Variants in OTUD7A observed in about 807,000 individuals in gnomAD.
OTUD7A encodes the protein OTU deubiquitinase 7A, also known as OTU domain-containing protein 7A.
OTUD7A carries 12 observed loss-of-function variants against 65.7 expected under a neutral mutation model. The observed-to-expected ratio is 0.18, with a 90% CI of 0.12 to 0.30. The LOEUF (loss-of-function observed/expected upper bound fraction) is 0.30. OTUD7A is among the 10% of genes least tolerant of loss of function. The probability of loss-of-function intolerance (pLI) is 1.00; values close to 1 mark genes in which losing one functional copy is unlikely to be tolerated. For missense variants in OTUD7A, 1,148 were observed against 1,304.8 expected, an observed-to-expected ratio of 0.88 and a Z score of 1.85; for synonymous variants, 641 against 586.3, an observed-to-expected ratio of 1.09 and a Z score of -1.35.
intron 3 of OTUD7A, among the ~76,000 whole-genome samples, chr15:31,616,039 G>T (rs1890575398): frequency 1.3e-5 from 2 of 152,244 alleles, no homozygotes; most frequent in Admixed American, 6.5e-5. Flanking sequence ...ACCCCCTCAG[G>T]ATGGTAGACA....
chr15:31,561,825 G>A lies in OTUD7A; in HGVS notation c.332-2638C>T, dbSNP rs547899755. 3.4e-5 allele frequency among the ~76,000 whole-genome samples: 5 copies of A among 148,746 alleles called. No homozygotes were observed. The South Asian group carries it at 8.5e-4, about 25-fold the overall frequency. On this transcript the variant is annotated intron_variant, in intron 4 of 12. Coordinates refer to ENST00000307050, the MANE Select transcript of OTUD7A (RefSeq NM_001382637.1). ...ACATTCACACACTGATTCTTTAAAC[G>A]TGAACTCAGTGATTCTACTTTTGGA...
At chr15:31,685,111 C>T (rs1186234530) in intron 1 of OTUD7A, among the ~76,000 whole-genome samples, 1 of 152,190 alleles carries the variant, frequency 6.6e-6, no homozygotes, top group Admixed American at 6.5e-5. Context: ...GCAAATAAGT[C>T]TGATTGATCC....
At chr15:31,633,687 T>G (rs1891248162) in intron 3 of OTUD7A, among the ~76,000 whole-genome samples, 1 of 152,100 alleles carries the variant, frequency 6.6e-6, no homozygotes. Flanking sequence ...CACCCTTCAC[T>G]CACAGCATGG....
chr15:31,786,021 T>G (rs1895663374), intron 1 of OTUD7A, among the ~76,000 whole-genome samples: 1 of 151,810 alleles, frequency 6.6e-6, no homozygotes, highest in Non-Finnish European at 1.5e-5. Flanking sequence ...GATTAATGGG[T>G]TATCATGGGA....
intron 3 of OTUD7A, among the ~76,000 whole-genome samples, chr15:31,628,959 T>C (rs200134785): frequency 5.8e-4 from 87 of 149,938 alleles, no homozygotes; most frequent in South Asian, 6.3e-4. Flanking sequence ...TGAGACTTTG[T>C]TGAAGTTGCT....
chr15:31,686,647 A>G (rs578170613), intron 1 of OTUD7A, among the ~76,000 whole-genome samples: 2 of 152,336 alleles, frequency 1.3e-5, no homozygotes, highest in South Asian at 2.1e-4. Flanking sequence ...GAGATGTGGA[A>G]AGGCTTCAGG....
chr15:31,859,821 G>C (rs929289584), intron 1 of OTUD7A, among the ~76,000 whole-genome samples: 1 of 152,182 alleles, frequency 6.6e-6, no homozygotes, highest in Non-Finnish European at 1.5e-5. Flanking sequence ...ATAGGAAGTG[G>C]AGGACCTCTG....
chr15:31,842,742 G>A (rs890100307), intron 1 of OTUD7A, among the ~76,000 whole-genome samples: 3 of 152,180 alleles, frequency 2.0e-5, no homozygotes, highest in South Asian at 2.1e-4. Flanking sequence ...CTGGGAAAGT[G>A]CCTGTAAATC....
chr15:31,586,960 C>T (rs183870532), intron 3 of OTUD7A, among the ~76,000 whole-genome samples: 1 of 152,212 alleles, frequency 6.6e-6, no homozygotes, highest in East Asian at 2.0e-4. Context: ...CAGGGCTGCT[C>T]GCTGTGAGTG....
chr15:31,654,956 A>G, intron 3 of OTUD7A, 140 bp downstream of exon 3: 1 of 957,914 alleles, frequency 1.0e-6, no homozygotes. Context: ...TAAAATTTTG[A>G]CTTAATATCG....
At chr15:31,631,248 A>G (rs564207939) in intron 3 of OTUD7A, among the ~76,000 whole-genome samples, 15 of 152,280 alleles carry the variant, frequency 9.9e-5, no homozygotes, top group African/African-American at 3.1e-4. Flanking sequence ...TTCCATGTTA[A>G]GTTCTTCCTT....
intron 1 of OTUD7A, among the ~76,000 whole-genome samples, chr15:31,670,859 G>C (rs1028610041): frequency 6.6e-6 from 1 of 152,144 alleles, no homozygotes; most frequent in Non-Finnish European, 1.5e-5. Flanking sequence ...GCCGGGCGTG[G>C]TGGCGGGCGC....
chr15:31,593,398 A>G (rs1889809555), intron 3 of OTUD7A, among the ~76,000 whole-genome samples: 1 of 152,124 alleles, frequency 6.6e-6, no homozygotes, highest in South Asian at 2.1e-4. Context: ...TCGGGGCTTT[A>G]TAGACACAAG....
chr15:31,800,549 G>A (rs930077616), intron 1 of OTUD7A, among the ~76,000 whole-genome samples: 2 of 152,130 alleles, frequency 1.3e-5, no homozygotes, highest in African/African-American at 4.8e-5. Flanking sequence ...CCTACCCAAT[G>A]GCCTCTGTGG....
intron 10 of OTUD7A, among the ~76,000 whole-genome samples, chr15:31,493,149 G>GA (rs34577664): frequency 0.09 from 12,296 of 136,092 alleles, 1,698 homozygotes; most frequent in African/African-American, 0.3. Flanking sequence ...GAGGTTGTAG[G>GA]AAAAAAAAAA....
chr15:31,666,141 G>A (rs1292371421), intron 1 of OTUD7A, among the ~76,000 whole-genome samples: 1 of 152,022 alleles, frequency 6.6e-6, no homozygotes, highest in Non-Finnish European at 1.5e-5. Context: ...GTCCTTTCCT[G>A]GTTTTGGTAT....
At chr15:31,603,692 C>T (rs950415443) in intron 3 of OTUD7A, among the ~76,000 whole-genome samples, 2 of 152,078 alleles carry the variant, frequency 1.3e-5, no homozygotes, top group Admixed American at 1.3e-4. Context: ...TGTAATCTTT[C>T]CATCTAACAA....
chr15:31,653,766 A>G (rs1028153417), intron 3 of OTUD7A, among the ~76,000 whole-genome samples: 3 of 151,396 alleles, frequency 2.0e-5, no homozygotes, highest in African/African-American at 2.4e-5. Context: ...TGTGAAAAAT[A>G]TAAGTAAAAA....
chr15:31,802,918 CCA>C (rs1210480795), intron 1 of OTUD7A, among the ~76,000 whole-genome samples: 1 of 152,120 alleles, frequency 6.6e-6, no homozygotes, highest in African/African-American at 2.4e-5. Context: ...TTGTCAGGCT[CCA>C]CAGTGACGTG....
Sources: allele counts gnomAD v4.1 joint callset (sites outside exome capture counted in the v4.1 genomes callset), GRCh38; gene constraint gnomAD v4.1.1; transcripts MANE v1.5; gene names NCBI Gene and HGNC (gene_info 2026-07-23, HGNC 2026-07-21).